Variants in VPS37C observed in about 807,000 individuals in gnomAD.
VPS37C encodes the protein vacuolar protein sorting-associated protein 37C.
VPS37C carries 9 observed loss-of-function variants against 16.1 expected under a neutral mutation model. That is an observed-to-expected ratio of 0.56 (90% confidence interval 0.34 to 0.97). VPS37C has a LOEUF of 0.97. VPS37C is among the 50% of genes least tolerant of loss of function. The pLI, the probability that VPS37C is intolerant of heterozygous loss-of-function variation, is 0.02. For missense variants in VPS37C, 479 were observed against 472.7 expected (o/e 1.01, Z -0.12); for synonymous variants, 207 against 206.4 (o/e 1.00, Z -0.02).
intron 1 of VPS37C, chr11:61,144,828 G>A (rs1853170577): frequency 6.6e-6 from 1 of 152,268 alleles, no homozygotes. Flanking sequence ...CTGGGAAGGA[G>A]ACCGGAGGCC....
At chr11:61,134,254 T>TAA in intron 2 of VPS37C, 47 bp from the exon 3 acceptor site, 4 of 1,576,534 alleles carry the variant, frequency 2.5e-6, no homozygotes, top group Non-Finnish European at 3.5e-6. Context: ...CCATCACCCT[T>TAA]AACCTCCTGG....
intron 1 of VPS37C, chr11:61,144,476 A>G (rs767307530): frequency 7.5e-6 from 1 of 132,564 alleles, no homozygotes; most frequent in Non-Finnish European, 1.6e-5. Flanking sequence ...GAACGCAGGC[A>G]GTGTTTTTTC....
chr11:61,131,847 C>T lies in VPS37C; in HGVS notation c.1041G>A (p.Pro347=), dbSNP rs1224713895. The part of the protein sequence containing the change: ...GPAPPYGFPP[P]PGPAWPGY ...AATACCCAGGCCAGGCAGGCCCCGG[C>T]GGTGGTGGGAACCCATAGGGAGGGG... is the stretch of plus-strand genomic sequence containing the variant. Residue 347 remains proline (P), a synonymous_variant, in exon 5 of 5, where the codon CCG becomes CCA. Coordinates refer to ENST00000301765, the MANE Select transcript of VPS37C (RefSeq NM_017966.5). 2.8e-6 allele frequency: 3 copies of T among 1,062,730 alleles called. No homozygotes were observed. Among genetic ancestry groups the T allele is most frequent in the South Asian group, 4.3e-5 (1 of 23,378 alleles). The allele number at this position is 1,062,730 out of a possible 1,614,324, so 65.8% of individuals were successfully genotyped here.
rs1861322087 is a variant in VPS37C, at chr11:61,134,125, G to A, written c.176C>T (p.Pro59Leu). 6.2e-7 allele frequency: 1 copy of A among 1,613,982 alleles called. No individual in the cohort carries two copies. The change falls in exon 3 of 5, where the codon CCC (proline) becomes CTC (leucine). Residue 59 changes from proline to leucine, a missense_variant. By Grantham distance (98) the Pro-to-Leu change is moderately conservative. Coordinates refer to ENST00000301765, the MANE Select transcript of VPS37C (RefSeq NM_017966.5). ...GAGGTTTGAGCGGCTGATCTCCAGG[G>A]GACCCTGGAACTCCAAGTTCCGCTC... ...LAERNLEFQG[P>L]LEISRSNLSD...
intron 1 of VPS37C, among the ~76,000 whole-genome samples, chr11:61,148,044 A>G (rs1267576693): frequency 6.6e-6 from 1 of 152,196 alleles, no homozygotes; most frequent in Admixed American, 6.5e-5. Context: ...AACAGCCCAA[A>G]AAGAGCTTTG....
At chr11:61,137,944 T>C (rs2134633818) in intron 2 of VPS37C, among the ~76,000 whole-genome samples, 1 of 152,308 alleles carries the variant, frequency 6.6e-6, no homozygotes, top group South Asian at 2.1e-4. Flanking sequence ...GGGAACGTCA[T>C]TATTTTTTTC....
intron 1 of VPS37C, among the ~76,000 whole-genome samples, chr11:61,152,599 G>A (rs918638711): frequency 5.3e-5 from 8 of 152,018 alleles, no homozygotes; most frequent in African/African-American, 1.9e-4. Flanking sequence ...TCCAAATCTT[G>A]TGCTCCTCAG....
chr11:61,161,176 G>T (rs1280573105), intron 1 of VPS37C: 2 of 152,384 alleles, frequency 1.3e-5, no homozygotes, highest in Non-Finnish European at 2.9e-5. Flanking sequence ...CCGGGGCGGC[G>T]CCTCGCGCTC....
At chr11:61,153,536 G>A (rs1159380832) in intron 1 of VPS37C, among the ~76,000 whole-genome samples, 2 of 152,222 alleles carry the variant, frequency 1.3e-5, no homozygotes, top group Non-Finnish European at 2.9e-5. Context: ...TGTGGAGGGA[G>A]AGGCACTAGA....
chr11:61,157,267 G>A (rs868678861), intron 1 of VPS37C, among the ~76,000 whole-genome samples: 1 of 152,202 alleles, frequency 6.6e-6, no homozygotes, highest in East Asian at 1.9e-4. Flanking sequence ...AAGTGGAATT[G>A]CTAGATGATA....
intron 1 of VPS37C, among the ~76,000 whole-genome samples, chr11:61,141,777 G>A (rs964854019): frequency 1.4e-4 from 21 of 152,320 alleles, no homozygotes; most frequent in African/African-American, 4.6e-4. Flanking sequence ...CACCCATATC[G>A]GCTCCACCCA....
chr11:61,160,104 C>A (rs150776944), intron 1 of VPS37C, among the ~76,000 whole-genome samples: 52 of 152,250 alleles, frequency 3.4e-4, no homozygotes, highest in African/African-American at 1.2e-3. Flanking sequence ...CAAATCACAG[C>A]TATTGCTACC....
rs543673353 is a variant in VPS37C at position 61,133,893 on chromosome 11, T to C, written c.265+143A>G. ...CTCTGAGCCTCATTTTTCTTACCTA[T>C]AAAATGGAGTAACAACAGTACCCAC... is the stretch of plus-strand genomic sequence containing the variant. On this transcript the variant is annotated intron_variant, in intron 3 of 4. Coordinates refer to ENST00000301765, the MANE Select transcript of VPS37C (RefSeq NM_017966.5). The C allele has an allele frequency of 3.7e-5, 36 of 971,486 alleles. No individual in the cohort carries two copies. In the African/African-American group the frequency reaches 3.9e-4, roughly 11 times the overall value. The allele number at this position is 971,486 out of a possible 1,614,324, so 60.2% of individuals were successfully genotyped here.
chr11:61,131,709 T>C lies in VPS37C; in HGVS notation c.*111A>G. The C allele has an allele frequency of 2.4e-6, 3 of 1,227,190 alleles. No individual in the cohort carries two copies. Among genetic ancestry groups the C allele is most frequent in the Non-Finnish European group, 2.0e-6 (2 of 983,828 alleles). 76.0% of individuals were successfully genotyped at this position (1,227,190 alleles called of 1,614,324 possible). On this transcript the variant is annotated 3_prime_UTR_variant, in exon 5 of 5. Coordinates refer to ENST00000301765, the MANE Select transcript of VPS37C (RefSeq NM_017966.5). Reference sequence around the variant, plus strand: ...CAAGGCCTCTGGGTGCCGACGCAAGTCCACAGGGAGCACCAACGCCACTTC... The same window carrying C: ...CAAGGCCTCTGGGTGCCGACGCAAGCCCACAGGGAGCACCAACGCCACTTC...
At chr11:61,158,295 T>G (rs1853409899) in intron 1 of VPS37C, among the ~76,000 whole-genome samples, 1 of 152,206 alleles carries the variant, frequency 6.6e-6, no homozygotes, top group Non-Finnish European at 1.5e-5. Flanking sequence ...AGTGTCAATG[T>G]CCCTCTCTCA....
At chr11:61,157,213 A>G (rs547352418) in intron 1 of VPS37C, among the ~76,000 whole-genome samples, 1 of 152,386 alleles carries the variant, frequency 6.6e-6, no homozygotes, top group African/African-American at 2.4e-5. Context: ...GTATACAAAT[A>G]CTTGTTCAAG....
chr11:61,133,996 C>T, intron 3 of VPS37C, 40 bp downstream of exon 3: 1 of 1,587,520 alleles, frequency 6.3e-7, no homozygotes, highest in Non-Finnish European at 8.6e-7. Flanking sequence ...TCCGTCCAAC[C>T]CTGAATGGGG....
At chr11:61,141,614 C>T (rs1289359070) in intron 1 of VPS37C, among the ~76,000 whole-genome samples, 1 of 152,172 alleles carries the variant, frequency 6.6e-6, no homozygotes, top group Non-Finnish European at 1.5e-5. Context: ...ACAGGTGGAA[C>T]CTCCCTGAGC....
At chr11:61,155,183 C>T (rs1853359999) in intron 1 of VPS37C, among the ~76,000 whole-genome samples, 1 of 150,836 alleles carries the variant, frequency 6.6e-6, no homozygotes, top group Admixed American at 6.6e-5. Flanking sequence ...AACAGAAGAG[C>T]AAAAAATAAA....
Sources: gnomAD v4.1 joint callset for allele counts (sites outside exome capture counted in the v4.1 genomes callset) on GRCh38, gnomAD v4.1.1 for gene constraint, MANE v1.5 for transcripts, NCBI Gene and HGNC (gene_info 2026-07-23, HGNC 2026-07-21) for gene names.